Variants in SLC30A8 observed in about 807,000 individuals in gnomAD.
SLC30A8 encodes solute carrier family 30 member 8.
A neutral mutation model predicts 36.9 loss-of-function variants in SLC30A8; 27 were observed. The observed-to-expected ratio is 0.73, with a 90% CI of 0.54 to 1.01. SLC30A8 has a LOEUF of 1.01. Among genes scored for constraint, SLC30A8 ranks in the 50% least tolerant of loss-of-function variants. SLC30A8 has a pLI of 0.00. For synonymous variants in SLC30A8, 164 were observed against 172.4 expected (o/e 0.95, Z 0.38); for missense variants, 439 against 452.0 (o/e 0.97, Z 0.26).
chr8:117,152,394 G>A (rs531322344), intron 2 of SLC30A8, among the ~76,000 whole-genome samples: 1 of 152,114 alleles, frequency 6.6e-6, no homozygotes, highest in Non-Finnish European at 1.5e-5. Context: ...CCATTGGAAG[G>A]TACCTGCCCT....
chr8:117,084,589 C>A (rs1205334882), intron 2 of SLC30A8, among the ~76,000 whole-genome samples: 1 of 152,162 alleles, frequency 6.6e-6, no homozygotes, highest in East Asian at 1.9e-4. Flanking sequence ...GCTTAGGAAG[C>A]ACCACTTTTA....
chr8:117,154,625 GTT>G (rs1822379753), intron 3 of SLC30A8, among the ~76,000 whole-genome samples: 1 of 152,224 alleles, frequency 6.6e-6, no homozygotes, highest in African/African-American at 2.4e-5. Context: ...AGTAAAGAGA[GTT>G]TGTGACAACG....
intron 3 of SLC30A8, among the ~76,000 whole-genome samples, chr8:117,157,188 C>T (rs1351822713): frequency 3.3e-5 from 5 of 152,142 alleles, no homozygotes; most frequent in East Asian, 1.9e-4. Context: ...TAATATGTTG[C>T]GTTGGCAAAT....
At chr8:117,100,834 A>G (rs1380250741) in intron 2 of SLC30A8, among the ~76,000 whole-genome samples, 1 of 152,116 alleles carries the variant, frequency 6.6e-6, no homozygotes, top group East Asian at 1.9e-4. Flanking sequence ...TGTTAATTTC[A>G]TAAAATTGTT....
At chr8:117,105,705 C>T (rs1316234021) in intron 2 of SLC30A8, among the ~76,000 whole-genome samples, 1 of 152,108 alleles carries the variant, frequency 6.6e-6, no homozygotes, top group Non-Finnish European at 1.5e-5. Flanking sequence ...GTGAGGCCCA[C>T]CCACATTATT....
chr8:117,051,674 G>C (rs545714318), intron 2 of SLC30A8, among the ~76,000 whole-genome samples: 74 of 152,136 alleles, frequency 4.9e-4, no homozygotes, highest in African/African-American at 1.4e-3. Flanking sequence ...TTAGCCAGGC[G>C]TGGTGGCAGG....
chr8:117,009,036 T>G (rs1362575483), intron 1 of SLC30A8, among the ~76,000 whole-genome samples: 2 of 152,200 alleles, frequency 1.3e-5, no homozygotes, highest in African/African-American at 4.8e-5. Context: ...TTGTAAAGTA[T>G]CCTGAACAAA....
intron 1 of SLC30A8, among the ~76,000 whole-genome samples, chr8:117,031,403 A>G (rs532780021): frequency 6.6e-6 from 1 of 152,204 alleles, no homozygotes; most frequent in South Asian, 2.1e-4. Context: ...AGAAATTCAG[A>G]GAAATGCCGT....
At chr8:117,169,773 CTT>C (rs1207838023) in intron 6 of SLC30A8, among the ~76,000 whole-genome samples, 1 of 152,004 alleles carries the variant, frequency 6.6e-6, no homozygotes, top group African/African-American at 2.4e-5. Flanking sequence ...GTGCTACACA[CTT>C]TTAAATGACC....
intron 6 of SLC30A8, chr8:117,164,100 T>C (rs1356136507): frequency 6.6e-6 from 1 of 152,352 alleles, no homozygotes; most frequent in African/African-American, 2.4e-5. Flanking sequence ...TACGGCCTCC[T>C]GGGAACAGGG....
At chr8:117,057,985 A>T (rs771178437) in intron 2 of SLC30A8, among the ~76,000 whole-genome samples, 9 of 152,176 alleles carry the variant, frequency 5.9e-5, no homozygotes, top group Non-Finnish European at 1.5e-5. Flanking sequence ...CATAGTGGCT[A>T]TGCCAATCTA....
At chr8:116,953,234 T>C (rs1385714648) in intron 1 of SLC30A8, among the ~76,000 whole-genome samples, 1 of 152,182 alleles carries the variant, frequency 6.6e-6, no homozygotes, top group South Asian at 2.1e-4. Flanking sequence ...TAGTATTCCA[T>C]GGTGAATACG....
At chr8:117,063,021 A>G (rs988734669) in intron 2 of SLC30A8, among the ~76,000 whole-genome samples, 18 of 152,302 alleles carry the variant, frequency 1.2e-4, no homozygotes, top group African/African-American at 4.3e-4. Flanking sequence ...TGCTGATGAC[A>G]TAATGCTTAA....
At chr8:117,064,661 G>A (rs539086827) in intron 2 of SLC30A8, among the ~76,000 whole-genome samples, 29 of 152,268 alleles carry the variant, frequency 1.9e-4, no homozygotes, top group Admixed American at 4.6e-4. Context: ...TCGGACAGCC[G>A]AAGAGCATTA....
At chr8:117,138,137 G>A (rs1178985027) in intron 1 of SLC30A8, among the ~76,000 whole-genome samples, 1 of 147,268 alleles carries the variant, frequency 6.8e-6, no homozygotes, top group Non-Finnish European at 1.5e-5. Flanking sequence ...AACAATCAAT[G>A]TTTTTCTTGG....
rs1352434312 is a variant in SLC30A8, at chr8:117,173,154, A to G, written c.*473A>G. 1.3e-5 allele frequency: 2 copies of G among 154,628 alleles called. No homozygotes were observed. Among genetic ancestry groups the G allele is most frequent in the Non-Finnish European group, 2.9e-5 (2 of 69,708 alleles). The allele number at this position is 154,628 out of a possible 1,614,324, so 9.6% of individuals were successfully genotyped here. A position where few individuals can be genotyped will look rare whatever the true frequency, so the allele number is the denominator to read the frequency against. ...TGACTCTGTATGCTAACGCCACATT[A>G]GAACTTGGTTCTCTCACCAAGCTGT... is the stretch of plus-strand genomic sequence containing the variant. On this transcript the variant is annotated 3_prime_UTR_variant, in exon 8 of 8. Coordinates refer to ENST00000456015, the MANE Select transcript of SLC30A8 (RefSeq NM_173851.3).
chr8:117,021,960 G>A (rs1816708829), intron 1 of SLC30A8, among the ~76,000 whole-genome samples: 1 of 151,498 alleles, frequency 6.6e-6, no homozygotes. Context: ...TCATATGGGA[G>A]AAAAAAATGA....
chr8:117,169,704 C>T (rs1823269272), intron 6 of SLC30A8, among the ~76,000 whole-genome samples: 1 of 152,002 alleles, frequency 6.6e-6, no homozygotes. Flanking sequence ...CCAATAGCGG[C>T]AAAAGGCAAA....
At chr8:117,032,282 T>C (rs1199863378) in intron 1 of SLC30A8, among the ~76,000 whole-genome samples, 1 of 152,210 alleles carries the variant, frequency 6.6e-6, no homozygotes, top group Non-Finnish European at 1.5e-5. Context: ...TTATCATCTG[T>C]TTTCTTAGCT....
Sources: gnomAD v4.1 joint callset for allele counts (sites outside exome capture counted in the v4.1 genomes callset) on GRCh38, gnomAD v4.1.1 for gene constraint, MANE v1.5 for transcripts, NCBI Gene and HGNC (gene_info 2026-07-23, HGNC 2026-07-21) for gene names.